Variants in ALDH1A3 observed in about 807,000 individuals in gnomAD.
The protein encoded by ALDH1A3 is retinaldehyde dehydrogenase 3.
ALDH1A3 carries 28 observed loss-of-function variants against 57.5 expected under a neutral mutation model. That is an observed-to-expected ratio of 0.49 (90% CI 0.36 to 0.67). ALDH1A3 has a LOEUF of 0.67. Among genes scored for constraint, ALDH1A3 ranks in the 30% least tolerant of loss-of-function variants. ALDH1A3 has a pLI of 0.00. For missense variants in ALDH1A3, 507 were observed against 669.4 expected, an observed-to-expected ratio of 0.76 and a Z score of 2.68; for synonymous variants, 281 against 264.8, an observed-to-expected ratio of 1.06 and a Z score of -0.59.
Position 100,892,652 on chromosome 15 carries a change from G to C in ALDH1A3, c.475+13G>C. ...ACCATCCCCACAGGTGAGCAAGGTG[G>C]ATTATAGCTTCATTTGGGATCCCTT... On this transcript the variant is annotated intron_variant, in intron 4 of 12. Coordinates refer to ENST00000329841, the MANE Select transcript of ALDH1A3 (RefSeq NM_000693.4). 6.3e-7 allele frequency: 1 copy of C among 1,596,060 alleles called. No individual in the cohort carries two copies. The highest frequency in any genetic ancestry group is 1.4e-5 in the African/African-American group (1 of 73,672).
Position 100,914,657 on chromosome 15 carries a change from A to C in ALDH1A3, c.1467-44A>C, listed in dbSNP as rs765872218. Reference sequence around the variant, plus strand: ...CAGAACAGTTTCTACACAATGGCTAAGGGATGTACCCATTTTGAATTTTCC... The same window carrying C: ...CAGAACAGTTTCTACACAATGGCTACGGGATGTACCCATTTTGAATTTTCC... On this transcript the variant is annotated intron_variant, in intron 12 of 12. Transcript: ENST00000329841. 23 of 1,571,966 alleles carry C rather than the reference A, an allele frequency of 1.5e-5. No homozygotes were observed. In the South Asian group the frequency reaches 2.3e-4, roughly 15 times the overall value.
chr15:100,887,027 T>C lies in ALDH1A3; in HGVS notation c.205-545T>C, dbSNP rs28464660. Among the ~76,000 whole-genome samples the C allele has an allele frequency of 7.0e-3, 1,059 of 152,280 alleles. 16 individuals carry two copies. The highest frequency in any genetic ancestry group is 0.023 in the East Asian group (119 of 5,186). ...AGTGGAAAGTCCTTCCGTACTTGGG[T>C]CCCTGAGAAAAATACTCTTTAGGAA... On this transcript the variant is annotated intron_variant, in intron 2 of 12. Coordinates refer to ENST00000329841, the MANE Select transcript of ALDH1A3 (RefSeq NM_000693.4). This position sits in a 1 kb window ranked among gnomAD's most constrained non-coding sequence, Gnocchi z 4.6.
intron 12 of ALDH1A3, 91 bp from the exon 13 acceptor site, chr15:100,914,610 G>A: frequency 7.9e-7 from 1 of 1,262,646 alleles, no homozygotes; most frequent in Non-Finnish European, 1.1e-6. Context: ...GCCTCCAACG[G>A]CCTGATGGAA....
chr15:100,885,671 T>TA (rs397750516), intron 2 of ALDH1A3, among the ~76,000 whole-genome samples: 12 of 151,170 alleles, frequency 7.9e-5, no homozygotes, highest in South Asian at 4.2e-4. Context: ...TTTTTTTTTT[T>TA]ATCAATTATT....
At chr15:100,898,936 C>T (rs1042634315) in intron 8 of ALDH1A3, among the ~76,000 whole-genome samples, 4 of 152,220 alleles carry the variant, frequency 2.6e-5, no homozygotes, top group African/African-American at 9.6e-5. Flanking sequence ...ACACCTTTGC[C>T]TTAAAGAATA....
intron 1 of ALDH1A3, among the ~76,000 whole-genome samples, chr15:100,883,025 A>G (rs953549358): frequency 1.3e-5 from 2 of 152,254 alleles, no homozygotes; most frequent in South Asian, 4.1e-4. Flanking sequence ...TTACAGATCA[A>G]TGTCATGAAC....
intron 9 of ALDH1A3, among the ~76,000 whole-genome samples, chr15:100,903,552 G>T (rs2041792190): frequency 6.6e-6 from 1 of 152,162 alleles, no homozygotes; most frequent in Non-Finnish European, 1.5e-5. Context: ...TCCCAAAGTG[G>T]GTTGCTAAGT....
intron 10 of ALDH1A3, 65 bp from the exon 11 acceptor site, chr15:100,907,056 C>T (rs761933876): frequency 2.1e-5 from 32 of 1,550,584 alleles, no homozygotes; most frequent in Non-Finnish European, 2.6e-5. Context: ...GAAGGAAATG[C>T]TTGTTCACAG....
chr15:100,893,159 C>T lies in ALDH1A3; in HGVS notation c.537+153C>T. The T allele has an allele frequency of 3.1e-6, 2 of 648,040 alleles. No homozygotes were observed. The highest frequency in any genetic ancestry group is 2.6e-6 in the Non-Finnish European group (1 of 389,034). The allele number at this position is 648,040 out of a possible 1,614,324, so 40.1% of individuals were successfully genotyped here. A position where few individuals can be genotyped will look rare whatever the true frequency, so the allele number is the denominator to read the frequency against. ...GCATGGAACTCCATGCTTGGGGGCT[C>T]TTGAGATGGATTAGACCCCATTTCT... On this transcript the variant is annotated intron_variant, in intron 5 of 12. Coordinates refer to ENST00000329841, the MANE Select transcript of ALDH1A3 (RefSeq NM_000693.4). This position sits in a 1 kb window ranked among gnomAD's most constrained non-coding sequence, Gnocchi z 4.8.
At chr15:100,911,867 T>G (rs2041886078) in intron 12 of ALDH1A3, among the ~76,000 whole-genome samples, 1 of 152,254 alleles carries the variant, frequency 6.6e-6, no homozygotes, top group Non-Finnish European at 1.5e-5. Context: ...TCAATCTGAT[T>G]TCATCACTTT....
At chr15:100,888,324 G>T (rs1384093003) in intron 3 of ALDH1A3, 1 of 152,114 alleles carries the variant, frequency 6.6e-6, no homozygotes, top group Non-Finnish European at 1.5e-5. Flanking sequence ...TGAACTCCTG[G>T]TCTCGAACTC....
intron 12 of ALDH1A3, chr15:100,914,073 A>AT (rs2041907900): frequency 6.6e-6 from 1 of 152,410 alleles, no homozygotes; most frequent in South Asian, 2.1e-4. Flanking sequence ...CAAGGATGTG[A>AT]ACCCAAAAGC....
At position 100,896,000 on chromosome 15, in the gene ALDH1A3, C is replaced by A. The variant is rs766595446; in HGVS notation, c.734C>A (p.Ser245Tyr). ...GGGCCCACAGTGGGAGCAGCAATTT[C>A]TTCTCACCCTCAGATCAACAAGATC... Reference protein sequence around the residue: ...GFGPTVGAAISSHPQINKIAF... With the variant: ...GFGPTVGAAIYSHPQINKIAF... The change falls in exon 7 of 13, where the codon TCT becomes TAT. Residue 245 changes from serine (S) to tyrosine (Y), a missense_variant. Ser to Tyr is a moderately radical substitution (Grantham distance 144). Around this residue, in one of 2 missense-constraint regions of ALDH1A3, gnomAD observed 432 missense variants for 608.4 expected, o/e 0.71. Transcript: ENST00000329841. 2 of 1,613,582 alleles carry A rather than the reference C, an allele frequency of 1.2e-6. No individual in the cohort carries two copies. Among genetic ancestry groups the A allele is most frequent in the Non-Finnish European group, 1.7e-6 (2 of 1,179,794 alleles).
At chr15:100,904,148 T>C (rs900793804) in intron 9 of ALDH1A3, among the ~76,000 whole-genome samples, 14 of 152,344 alleles carry the variant, frequency 9.2e-5, no homozygotes, top group South Asian at 2.1e-4. Context: ...TGGCCTGGTA[T>C]AAAGTGTGAG....
In ALDH1A3 at chr15:100,893,827, A is replaced by G. The variant is rs1454295132; in HGVS notation, c.538-127A>G. 2.0e-5 allele frequency: 26 copies of G among 1,319,160 alleles called. No individual in the cohort carries two copies. In the South Asian group the frequency reaches 2.4e-4, roughly 12 times the overall value. 81.7% of individuals were successfully genotyped at this position (1,319,160 alleles called of 1,614,324 possible). A position where few individuals can be genotyped will look rare whatever the true frequency, so the allele number is the denominator to read the frequency against. On this transcript the variant is annotated intron_variant, in intron 5 of 12. Transcript: ENST00000329841. This position sits in a 1 kb window ranked among gnomAD's most constrained non-coding sequence, Gnocchi z 4.8. ...GCAGTTCTGATCATTGCACACTCCT[A>G]TGTTACCCCACATACCCCAAATCCA...
At chr15:100,902,756 T>A (rs1397197962) in intron 9 of ALDH1A3, among the ~76,000 whole-genome samples, 3 of 152,216 alleles carry the variant, frequency 2.0e-5, no homozygotes, top group African/African-American at 7.2e-5. Flanking sequence ...CAGCTGACAT[T>A]TCATGGAGGA....
chr15:100,907,466 G>A (rs1447590302), intron 11 of ALDH1A3, among the ~76,000 whole-genome samples, 188 bp downstream of exon 11: 1 of 152,214 alleles, frequency 6.6e-6, no homozygotes, highest in African/African-American at 2.4e-5. Context: ...TTTCAGAGAT[G>A]AGAAAATTGA....
rs1385367545 is a variant in ALDH1A3, at chr15:100,907,238, G to A, written c.1351G>A (p.Ala451Thr). 1 of 1,614,202 alleles carries A rather than the reference G, an allele frequency of 6.2e-7. No individual in the cohort carries two copies. Residue 451 changes from alanine (A) to threonine (T), a missense_variant, in exon 11 of 13, where the codon GCC becomes ACC. Transcript: ENST00000329841. ...AAVFTKNLDK[A>T]LKLASALESG... is the part of the protein sequence containing the mutation. ...CGTGTTCACAAAAAATCTCGACAAAGCCCTGAAGTTGGCTTCTGCCTTAGA... is the reference window on the plus strand; with the variant it reads ...CGTGTTCACAAAAAATCTCGACAAAACCCTGAAGTTGGCTTCTGCCTTAGA...
At position 100,887,913 on chromosome 15, in the gene ALDH1A3, C is replaced by T. The variant is rs553958920; in HGVS notation, c.345+201C>T. 5.5e-4 allele frequency among the ~76,000 whole-genome samples: 83 copies of T among 152,268 alleles called. No homozygotes were observed. Among genetic ancestry groups the T allele is most frequent in the African/African-American group, 1.9e-3 (79 of 41,562 alleles). Reference sequence around the variant, plus strand: ...GAATCCCTTTCATTTTGAAGTCAGACTTTTGTCCTCTGCAGCTCAGCTTCT... The same window carrying T: ...GAATCCCTTTCATTTTGAAGTCAGATTTTTGTCCTCTGCAGCTCAGCTTCT... On this transcript the variant is annotated intron_variant, in intron 3 of 12. Transcript: ENST00000329841. The surrounding 1 kb of genome is among the most constrained non-coding windows in gnomAD (Gnocchi z 4.6).
Sources: allele counts gnomAD v4.1 joint callset (sites outside exome capture counted in the v4.1 genomes callset), GRCh38; gene constraint gnomAD v4.1.1; regional missense constraint gnomAD v4.1.1; non-coding constraint Gnocchi (gnomAD v3.1); transcripts MANE v1.5; gene names NCBI Gene and HGNC (gene_info 2026-07-23, HGNC 2026-07-21).